The following ZMIZ1 variants were observed in gnomAD, a reference collection of about 807,000 sequenced individuals.
The protein encoded by ZMIZ1 is zinc finger MIZ domain-containing protein 1.
ZMIZ1 carries 17 observed loss-of-function variants against 113.9 expected under a neutral mutation model. The ratio of observed to expected loss-of-function variants is 0.15; its 90% CI spans 0.10 to 0.22. The LOEUF (loss-of-function observed/expected upper bound fraction) is 0.22. Among genes scored for constraint, ZMIZ1 ranks in the 10% least tolerant of loss-of-function variants. The pLI, the probability that ZMIZ1 is intolerant of heterozygous loss-of-function variation, is 1.00. For missense variants in ZMIZ1, 1,059 were observed against 1,477.8 expected (o/e 0.72, Z 4.65); for synonymous variants, 607 against 603.1 (o/e 1.01, Z -0.09).
Position 79,296,445 on chromosome 10 carries a change from C to G in ZMIZ1, c.1231-26C>G. 1.9e-6 allele frequency: 3 copies of G among 1,612,938 alleles called. No homozygotes were observed. The highest frequency in any genetic ancestry group is 2.5e-6 in the Non-Finnish European group (3 of 1,179,318). ...GACGTTGGCAACATTGAACGTGTTT[C>G]CCCTCTCCTTTCTCTCCCACCACAG... On this transcript the variant is annotated intron_variant, in intron 12 of 24. Coordinates refer to ENST00000334512, the MANE Select transcript of ZMIZ1 (RefSeq NM_020338.4). This position sits in a 1 kb window ranked among gnomAD's most constrained non-coding sequence, Gnocchi z 4.1.
intron 1 of ZMIZ1, among the ~76,000 whole-genome samples, chr10:79,095,365 G>A (rs1011877226): frequency 2.0e-5 from 3 of 152,178 alleles, no homozygotes; most frequent in Non-Finnish European, 4.4e-5. Flanking sequence ...CAATAGTACT[G>A]TTATAAAAAA....
intron 19 of ZMIZ1, 105 bp downstream of exon 19, chr10:79,304,280 A>C: frequency 7.1e-7 from 1 of 1,405,398 alleles, no homozygotes; most frequent in Non-Finnish European, 9.6e-7. Flanking sequence ...CACTGTCCTG[A>C]AGGACGTCAT....
At chr10:79,138,900 T>C (rs1219492678) in intron 2 of ZMIZ1, among the ~76,000 whole-genome samples, 2 of 151,654 alleles carry the variant, frequency 1.3e-5, no homozygotes, top group Non-Finnish European at 2.9e-5. Flanking sequence ...AAAAAAAAAG[T>C]GAGTGGAAGG....
intron 4 of ZMIZ1, among the ~76,000 whole-genome samples, chr10:79,192,998 T>G (rs1318021569): frequency 6.6e-6 from 1 of 152,092 alleles, no homozygotes; most frequent in Non-Finnish European, 1.5e-5. Context: ...ACAAAGTCAC[T>G]CTCCTACTGT....
At chr10:79,248,366 A>ATGGCAGGGGGGAGGT (rs1425861812) in intron 7 of ZMIZ1, among the ~76,000 whole-genome samples, 42 of 152,124 alleles carry the variant, frequency 2.8e-4, no homozygotes, top group Admixed American at 2.4e-3. Context: ...GTCCCTCCAG[A>ATGGCAGGGGGGAGGT]TGGCAGGGGG....
chr10:79,070,825 C>T (rs1842250449), intron 1 of ZMIZ1, among the ~76,000 whole-genome samples: 1 of 151,526 alleles, frequency 6.6e-6, no homozygotes, highest in Non-Finnish European at 1.5e-5. Flanking sequence ...GGGCTTTGAG[C>T]CTGCCCGCCT....
chr10:79,168,630 G>A (rs114980651), intron 4 of ZMIZ1, among the ~76,000 whole-genome samples: 336 of 152,318 alleles, frequency 2.2e-3, no homozygotes, highest in African/African-American at 7.7e-3. Flanking sequence ...CTTGTGGGCC[G>A]TATTAAGAAG....
At chr10:79,298,127 C>T (rs1465375499) in intron 14 of ZMIZ1, among the ~76,000 whole-genome samples, 1 of 152,136 alleles carries the variant, frequency 6.6e-6, no homozygotes, top group African/African-American at 2.4e-5. Flanking sequence ...CCCTGAGCCT[C>T]TGTGTCCCCA....
At chr10:79,122,158 C>G (rs1345030101) in intron 2 of ZMIZ1, among the ~76,000 whole-genome samples, 3 of 152,056 alleles carry the variant, frequency 2.0e-5, no homozygotes, top group African/African-American at 4.8e-5. Flanking sequence ...CACGTGCAGG[C>G]GCCACCAGTT....
At chr10:79,087,222 A>G (rs919933167) in intron 1 of ZMIZ1, among the ~76,000 whole-genome samples, 2 of 152,228 alleles carry the variant, frequency 1.3e-5, no homozygotes, top group Non-Finnish European at 1.5e-5. Context: ...GTCCCCTCAC[A>G]TTATACATGT....
At chr10:79,224,912 G>A (rs551539330) in intron 7 of ZMIZ1, among the ~76,000 whole-genome samples, 13 of 152,348 alleles carry the variant, frequency 8.5e-5, no homozygotes, top group Non-Finnish European at 1.9e-4. Flanking sequence ...AGAGTGGTTA[G>A]GAAGCACGTA....
At chr10:79,165,806 C>T (rs1304985769) in intron 4 of ZMIZ1, among the ~76,000 whole-genome samples, 1 of 152,182 alleles carries the variant, frequency 6.6e-6, no homozygotes, top group African/African-American at 2.4e-5. Flanking sequence ...GAGCCTCTGG[C>T]CTGAAGTCTC....
At chr10:79,200,381 G>A (rs1848024245) in intron 4 of ZMIZ1, among the ~76,000 whole-genome samples, 1 of 152,194 alleles carries the variant, frequency 6.6e-6, no homozygotes, top group Non-Finnish European at 1.5e-5. Context: ...TTGCTGTGTG[G>A]CCTCCCTGGA....
At chr10:79,076,111 G>A (rs10824713) in intron 1 of ZMIZ1, among the ~76,000 whole-genome samples, 90,046 of 151,986 alleles carry the variant, frequency 0.59, 27,034 homozygotes, top group African/African-American at 0.65. Context: ...GTGGGAACTG[G>A]TTGCGTTACC....
intron 4 of ZMIZ1, among the ~76,000 whole-genome samples, chr10:79,178,696 C>T (rs1846976254): frequency 6.6e-6 from 1 of 152,330 alleles, no homozygotes; most frequent in African/African-American, 2.4e-5. Flanking sequence ...CCCTCCCCCA[C>T]CCCCGCATGC....
chr10:79,200,326 A>G (rs1329101740), intron 4 of ZMIZ1, among the ~76,000 whole-genome samples: 2 of 152,164 alleles, frequency 1.3e-5, no homozygotes, highest in Non-Finnish European at 2.9e-5. Context: ...CAGTGGGTGG[A>G]CTAGGGCTGT....
In ZMIZ1 at chr10:79,301,019, C is replaced by T. The variant is rs949317567; in HGVS notation, c.2019+77C>T. ...GGCATGAGAGTGCGGAATACCCTGC[C>T]CCACTCTGGTCCTCAGCCTTGTCCC... On this transcript the variant is annotated intron_variant, in intron 17 of 24. Transcript: ENST00000334512. The T allele has an allele frequency of 1.8e-4, 277 of 1,560,596 alleles. 1 individual carries two copies. Among genetic ancestry groups the T allele is most frequent in the Middle Eastern group, 6.1e-4 (3 of 4,920 alleles).
chr10:79,251,383 T>C (rs1234447018), intron 7 of ZMIZ1, among the ~76,000 whole-genome samples: 1 of 152,098 alleles, frequency 6.6e-6, no homozygotes, highest in African/African-American at 2.4e-5. Context: ...TGAGCAAACA[T>C]GAGCTACCCT....
chr10:79,154,205 G>A (rs1361851651), intron 3 of ZMIZ1, among the ~76,000 whole-genome samples: 2 of 152,106 alleles, frequency 1.3e-5, no homozygotes, highest in African/African-American at 4.8e-5. Flanking sequence ...GAATGGACCT[G>A]GGTTCCATTC....
Sources: allele counts gnomAD v4.1 joint callset (sites outside exome capture counted in the v4.1 genomes callset), GRCh38; gene constraint gnomAD v4.1.1; non-coding constraint Gnocchi (gnomAD v3.1); transcripts MANE v1.5; gene names NCBI Gene and HGNC (gene_info 2026-07-23, HGNC 2026-07-21).